Variants in DOCK4 observed in about 807,000 individuals in gnomAD.
DOCK4 encodes the protein dedicator of cytokinesis protein 4.
A neutral mutation model predicts 268.1 loss-of-function variants in DOCK4; 97 were observed. The ratio of observed to expected loss-of-function variants is 0.36; its 90% CI spans 0.31 to 0.43. The LOEUF (loss-of-function observed/expected upper bound fraction) is 0.43, where lower values mean the gene tolerates loss of function less well. DOCK4 is among the 20% of genes least tolerant of loss of function. DOCK4 has a pLI of 1.00. For missense variants in DOCK4, 2,145 were observed against 2,455.7 expected, an observed-to-expected ratio of 0.87 and a Z score of 2.67; for synonymous variants, 954 against 887.2, an observed-to-expected ratio of 1.08 and a Z score of -1.34.
At chr7:112,175,953 T>C (rs942700881) in intron 1 of DOCK4, among the ~76,000 whole-genome samples, 9 of 152,222 alleles carry the variant, frequency 5.9e-5, no homozygotes, top group African/African-American at 2.2e-4. Flanking sequence ...TGATCTATCA[T>C]CAACATTATT....
chr7:112,096,592 A>G (rs1187549720), intron 1 of DOCK4, among the ~76,000 whole-genome samples: 1 of 152,226 alleles, frequency 6.6e-6, no homozygotes, highest in Non-Finnish European at 1.5e-5. Context: ...TCTTTGTCAC[A>G]ACACAAAGTA....
At chr7:111,934,532 T>G (rs941463570) in intron 12 of DOCK4, among the ~76,000 whole-genome samples, 19 of 141,434 alleles carry the variant, frequency 1.3e-4, no homozygotes, top group African/African-American at 4.3e-4. Flanking sequence ...TGTTTTTTTT[T>G]TTTTTTTTTT....
At chr7:112,157,216 C>T (rs951433576) in intron 1 of DOCK4, among the ~76,000 whole-genome samples, 3 of 152,182 alleles carry the variant, frequency 2.0e-5, no homozygotes, top group African/African-American at 7.2e-5. Flanking sequence ...AGGACAACAG[C>T]TCAAACCACA....
chr7:111,728,817 C>T (rs941210167), intron 52 of DOCK4, 97 bp from the exon 53 acceptor site: 23 of 1,232,976 alleles, frequency 1.9e-5, no homozygotes, highest in Non-Finnish European at 2.2e-5. Context: ...CCCCGGCCCC[C>T]AGCACCCCCA....
At chr7:111,746,247 G>A in intron 44 of DOCK4, 87 bp downstream of exon 44, 3 of 1,042,498 alleles carry the variant, frequency 2.9e-6, no homozygotes, top group Non-Finnish European at 4.3e-6. Context: ...TTAGACCACT[G>A]ATGCAGGAAA....
At chr7:111,942,889 C>T (rs1296944300) in intron 10 of DOCK4, among the ~76,000 whole-genome samples, 1 of 152,168 alleles carries the variant, frequency 6.6e-6, no homozygotes. Flanking sequence ...CTGTGAGAGG[C>T]ACCCTTTCTG....
At chr7:111,915,700 A>T in intron 13 of DOCK4, 79 bp downstream of exon 13, 1 of 1,507,764 alleles carries the variant, frequency 6.6e-7, no homozygotes, top group East Asian at 2.4e-5. Flanking sequence ...CAAAGCTGGC[A>T]ATTTGAAAAA....
At chr7:111,922,548 G>A (rs142983597) in intron 12 of DOCK4, among the ~76,000 whole-genome samples, 11 of 151,722 alleles carry the variant, frequency 7.3e-5, no homozygotes, top group East Asian at 1.9e-4. Context: ...TATTCTCTTC[G>A]TACACACTTG....
At chr7:111,793,200 T>C (rs531132874) in intron 30 of DOCK4, among the ~76,000 whole-genome samples, 3 of 152,338 alleles carry the variant, frequency 2.0e-5, no homozygotes, top group South Asian at 2.1e-4. Flanking sequence ...TACCTGTTAC[T>C]GCACACAGCT....
chr7:112,044,875 T>C (rs1250654790), intron 1 of DOCK4, among the ~76,000 whole-genome samples: 1 of 152,188 alleles, frequency 6.6e-6, no homozygotes, highest in Non-Finnish European at 1.5e-5. Flanking sequence ...TCTCTCATTT[T>C]GTCTATTGCT....
chr7:111,868,602 T>G (rs34163388), intron 21 of DOCK4, among the ~76,000 whole-genome samples: 1 of 151,764 alleles, frequency 6.6e-6, no homozygotes, highest in Non-Finnish European at 1.5e-5. Context: ...CCCAGCTACT[T>G]GGGAGGCTGA....
chr7:111,915,757 C>T (rs746806601), intron 13 of DOCK4, 22 bp downstream of exon 13: 122 of 1,609,264 alleles, frequency 7.6e-5, no homozygotes, highest in East Asian at 1.1e-4. Context: ...TTCATCATAT[C>T]GGTACGTCCC....
At chr7:112,043,891 G>A (rs1236930182) in intron 1 of DOCK4, among the ~76,000 whole-genome samples, 2 of 152,058 alleles carry the variant, frequency 1.3e-5, no homozygotes, top group Middle Eastern at 3.4e-3. Context: ...GGAAAACTAA[G>A]TTTAAAGAAA....
At chr7:111,999,162 G>A (rs1437639502) in intron 3 of DOCK4, among the ~76,000 whole-genome samples, 8 of 152,082 alleles carry the variant, frequency 5.3e-5, no homozygotes, top group Admixed American at 4.6e-4. Context: ...ACAAAAAAAT[G>A]AGCATCAATT....
intron 1 of DOCK4, among the ~76,000 whole-genome samples, chr7:112,112,424 A>G (rs1047438908): frequency 6.6e-6 from 1 of 152,078 alleles, no homozygotes; most frequent in Non-Finnish European, 1.5e-5. Flanking sequence ...CGGGCAGATC[A>G]CAAGGTCAGG....
intron 1 of DOCK4, among the ~76,000 whole-genome samples, chr7:112,109,894 G>A (rs903430849): frequency 1.3e-5 from 2 of 150,084 alleles, no homozygotes; most frequent in East Asian, 1.9e-4. Context: ...ACAGGCGCCC[G>A]CCATCACGCC....
chr7:111,984,078 C>T (rs1266251668), intron 7 of DOCK4, among the ~76,000 whole-genome samples: 2 of 152,110 alleles, frequency 1.3e-5, no homozygotes, highest in African/African-American at 4.8e-5. Context: ...GTATTGACTT[C>T]CTGGTGCCTG....
chr7:112,087,752 T>G (rs1809234261), intron 1 of DOCK4, among the ~76,000 whole-genome samples: 1 of 152,076 alleles, frequency 6.6e-6, no homozygotes, highest in Non-Finnish European at 1.5e-5. Flanking sequence ...CCAGTCCCAC[T>G]CAGAAATGGG....
intron 1 of DOCK4, among the ~76,000 whole-genome samples, chr7:112,195,418 C>A (rs1820331975): frequency 6.6e-6 from 1 of 152,162 alleles, no homozygotes; most frequent in African/African-American, 2.4e-5. Flanking sequence ...TCTCTTCATT[C>A]TTTATAGAAC....
Sources: allele counts gnomAD v4.1 joint callset (sites outside exome capture counted in the v4.1 genomes callset), GRCh38; gene constraint gnomAD v4.1.1; transcripts MANE v1.5; gene names NCBI Gene and HGNC (gene_info 2026-07-23, HGNC 2026-07-21).